The following SDK2 variants were observed in gnomAD, a reference collection of about 807,000 sequenced individuals.
The protein encoded by SDK2 is sidekick cell adhesion molecule 2.
Under a neutral mutation model 253.9 loss-of-function variants are expected in SDK2, and 105 were observed. The observed-to-expected ratio is 0.41, with a 90% CI of 0.35 to 0.49. The LOEUF is 0.49. SDK2 is among the 20% of genes least tolerant of loss of function. SDK2 has a pLI of 0.06. For missense variants in SDK2, 2,608 were observed against 3,003.0 expected (o/e 0.87, Z 3.07); for synonymous variants, 1,249 against 1,234.9 (o/e 1.01, Z -0.24).
rs1243870403 is a variant in SDK2, at chr17:73,433,840, G to A, written c.1204C>T (p.Pro402Ser). 1 of 1,548,400 alleles carries A rather than the reference G, an allele frequency of 6.5e-7. No homozygotes were observed. Among genetic ancestry groups the A allele is most frequent in the Non-Finnish European group, 8.7e-7 (1 of 1,148,246 alleles). Residue 402 changes from proline (P) to serine (S), a missense_variant, in exon 10 of 45, where the codon CCT becomes TCT. By Grantham distance (74) the Pro-to-Ser change is moderately conservative (BLOSUM62 -1). This residue lies in a region of SDK2 where 1,505 missense variants were observed against 1,859.1 expected (regional missense o/e 0.81). Transcript: ENST00000392650. Reference sequence around the variant, plus strand: ...TCCAGGGGGCCTCTGGTGATGTTAGGGGCGATGCCTGCAAACAGAGAAGTG... The same window carrying A: ...TCCAGGGGGCCTCTGGTGATGTTAGAGGCGATGCCTGCAAACAGAGAAGTG... Reference protein sequence around the residue: ...STYLAVTSIAPNITRGPLDST... With the variant: ...STYLAVTSIASNITRGPLDST...
intron 36 of SDK2, among the ~76,000 whole-genome samples, chr17:73,376,108 C>T (rs560536396): frequency 3.3e-5 from 5 of 151,672 alleles, no homozygotes; most frequent in African/African-American, 1.2e-4. Context: ...GAAGGAGAAT[C>T]GCTTGAACCT....
Position 73,644,208 on chromosome 17 carries a change from G to T in SDK2, c.-120C>A. On this transcript the variant is annotated 5_prime_UTR_variant, in exon 1 of 45. Transcript: ENST00000392650. The surrounding 1 kb of genome is among the most constrained non-coding windows in gnomAD (Gnocchi z 6.3). Reference sequence around the variant, plus strand: ...GGAAACAGTCAGTCTACGCGGCTCCGTGCCCCGGGGTGTAATATGCCCGGG... The same window carrying T: ...GGAAACAGTCAGTCTACGCGGCTCCTTGCCCCGGGGTGTAATATGCCCGGG... 1.3e-6 allele frequency: 1 copy of T among 783,784 alleles called. No individual in the cohort carries two copies. The highest frequency in any genetic ancestry group is 2.1e-6 in the Non-Finnish European group (1 of 473,014). The allele number at this position is 783,784 out of a possible 1,614,324, so 48.6% of individuals were successfully genotyped here.
intron 36 of SDK2, 147 bp from the exon 37 acceptor site, chr17:73,368,740 T>A: frequency 3.0e-6 from 2 of 676,132 alleles, no homozygotes; most frequent in Non-Finnish European, 4.7e-6. Context: ...CCGGGTGCGG[T>A]GGCTCACACC....
intron 24 of SDK2, among the ~76,000 whole-genome samples, chr17:73,396,356 G>A (rs913232575): frequency 6.6e-6 from 1 of 152,254 alleles, no homozygotes; most frequent in East Asian, 1.9e-4. Flanking sequence ...CCACTACTCT[G>A]AAGGGCACAG....
chr17:73,377,615 C>T (rs1007222441), intron 36 of SDK2, among the ~76,000 whole-genome samples: 1 of 150,122 alleles, frequency 6.7e-6, no homozygotes, highest in African/African-American at 2.5e-5. Context: ...GACTTGGAAT[C>T]TGACTCTGCT....
intron 1 of SDK2, among the ~76,000 whole-genome samples, chr17:73,556,221 C>G (rs1184799808): frequency 6.6e-6 from 1 of 152,194 alleles, no homozygotes; most frequent in Non-Finnish European, 1.5e-5. Flanking sequence ...GCGGCAGGTT[C>G]TTTCCAAACA....
chr17:73,401,573 G>T (rs1020972695), intron 20 of SDK2, 81 bp downstream of exon 20: 2 of 1,301,460 alleles, frequency 1.5e-6, no homozygotes, highest in Non-Finnish European at 2.2e-6. Context: ...GTGAAAAGTA[G>T]CTCAAAGGCA....
At chr17:73,404,108 A>C (rs2145536276) in intron 18 of SDK2, among the ~76,000 whole-genome samples, 1 of 152,320 alleles carries the variant, frequency 6.6e-6, no homozygotes, top group African/African-American at 2.4e-5. Context: ...TTACCCACAA[A>C]AATGACCCAG....
chr17:73,491,853 A>T (rs1209320795), intron 2 of SDK2, among the ~76,000 whole-genome samples: 1 of 152,236 alleles, frequency 6.6e-6, no homozygotes, highest in African/African-American at 2.4e-5. Context: ...GCGAGCCGCC[A>T]TCTGGAAAAG....
chr17:73,378,454 C>G (rs1038779972), intron 36 of SDK2, among the ~76,000 whole-genome samples: 2 of 150,960 alleles, frequency 1.3e-5, no homozygotes, highest in African/African-American at 4.9e-5. Flanking sequence ...GAGTCTCACT[C>G]TATTGCTCAG....
chr17:73,499,499 G>A (rs971997694), intron 2 of SDK2, among the ~76,000 whole-genome samples: 1 of 152,236 alleles, frequency 6.6e-6, no homozygotes, highest in Non-Finnish European at 1.5e-5. Flanking sequence ...GGTGGGACTC[G>A]GCCTCAGCTG....
chr17:73,641,514 G>A (rs28604911), intron 1 of SDK2, among the ~76,000 whole-genome samples: 2,652 of 152,216 alleles, frequency 0.017, 80 homozygotes, highest in African/African-American at 0.059. Context: ...GTGACCCATC[G>A]GGCATACGGC....
chr17:73,444,019 T>C (rs1192591040), intron 5 of SDK2, among the ~76,000 whole-genome samples: 3 of 151,908 alleles, frequency 2.0e-5, no homozygotes, highest in African/African-American at 7.3e-5. Context: ...AAAGAGCGTG[T>C]GATGGTTGCC....
In SDK2 at chr17:73,455,883, T is replaced by A; in HGVS notation, c.479+23A>T. ...CCCCCAGACACCCCTCCCCTCCCCG[T>A]CCCCTCAGAGCGATGCACTCACATG... On this transcript the variant is annotated intron_variant, in intron 4 of 44. Coordinates refer to ENST00000392650, the MANE Select transcript of SDK2 (RefSeq NM_001144952.2). This position sits in a 1 kb window ranked among gnomAD's most constrained non-coding sequence, Gnocchi z 5.0. 1 of 1,520,482 alleles carries A rather than the reference T, an allele frequency of 6.6e-7. No individual in the cohort carries two copies. The highest frequency in any genetic ancestry group is 8.8e-7 in the Non-Finnish European group (1 of 1,134,228). 94.2% of individuals were successfully genotyped at this position (1,520,482 alleles called of 1,614,324 possible).
intron 1 of SDK2, among the ~76,000 whole-genome samples, chr17:73,622,540 A>T (rs2143203081): frequency 6.6e-6 from 1 of 152,282 alleles, no homozygotes. Flanking sequence ...GTGTTTGAGG[A>T]GGGAGGGAGG....
At chr17:73,363,451 C>T (rs2062658245) in intron 38 of SDK2, among the ~76,000 whole-genome samples, 1 of 152,222 alleles carries the variant, frequency 6.6e-6, no homozygotes, top group African/African-American at 2.4e-5. Flanking sequence ...GGACCAGGAA[C>T]AGGGACTCTG....
At chr17:73,408,392 T>A (rs2063098486) in intron 18 of SDK2, among the ~76,000 whole-genome samples, 1 of 18,756 alleles carries the variant, frequency 5.3e-5, no homozygotes, top group African/African-American at 1.6e-4. Context: ...TATTTTTTTT[T>A]TTTTAATATT....
intron 1 of SDK2, among the ~76,000 whole-genome samples, chr17:73,583,791 C>A (rs1411644442): frequency 6.6e-6 from 1 of 152,204 alleles, no homozygotes; most frequent in Non-Finnish European, 1.5e-5. Flanking sequence ...AGGCCCTGAG[C>A]TCCAGATGAA....
intron 3 of SDK2, among the ~76,000 whole-genome samples, chr17:73,469,881 G>C (rs1170593708): frequency 6.6e-6 from 1 of 152,112 alleles, no homozygotes; most frequent in African/African-American, 2.4e-5. Flanking sequence ...CTCAACTCCA[G>C]AAAGTTTCTA....
Sources: allele counts gnomAD v4.1 joint callset (sites outside exome capture counted in the v4.1 genomes callset), GRCh38; gene constraint gnomAD v4.1.1; regional missense constraint gnomAD v4.1.1; non-coding constraint Gnocchi (gnomAD v3.1); transcripts MANE v1.5; gene names NCBI Gene and HGNC (gene_info 2026-07-23, HGNC 2026-07-21).